The following EAF2 variants were observed in gnomAD, a reference collection of about 807,000 sequenced individuals.
EAF2 encodes the protein ELL associated factor 2, also known as ELL-associated factor 2.
Under a neutral mutation model 29.4 loss-of-function variants are expected in EAF2, and 29 were observed. That is an observed-to-expected ratio of 0.99 (90% CI 0.73 to 1.35). The LOEUF (loss-of-function observed/expected upper bound fraction) is 1.35. Ranked by LOEUF, EAF2 falls within the 40% of genes most tolerant of loss-of-function variation. The probability of loss-of-function intolerance (pLI) is 0.00; values close to 1 mark genes in which losing one functional copy is unlikely to be tolerated. For synonymous variants in EAF2, 103 were observed against 102.5 expected (o/e 1.00, Z -0.03); for missense variants, 292 against 312.0 (o/e 0.94, Z 0.48).
At chr3:121,845,440 C>CAAAAAAA (rs747436052) in intron 2 of EAF2, among the ~76,000 whole-genome samples, 24 of 59,916 alleles carry the variant, frequency 4.0e-4, no homozygotes, top group Admixed American at 6.6e-4. Context: ...TCCTACATCT[C>CAAAAAAA]AAAAAAAAAA....
chr3:121,873,100 T>C (rs1709045404), intron 5 of EAF2: 2 of 679,152 alleles, frequency 2.9e-6, no homozygotes, highest in Non-Finnish European at 5.3e-6. Context: ...CATTCTACAA[T>C]TTCTCCCTAA....
chr3:121,866,376 A>G (rs959118394), intron 4 of EAF2, among the ~76,000 whole-genome samples: 3 of 152,210 alleles, frequency 2.0e-5, no homozygotes, highest in African/African-American at 7.2e-5. Flanking sequence ...AAAAATTTGA[A>G]TAAGATATAG....
At chr3:121,855,337 G>T (rs1434763296) in intron 3 of EAF2, among the ~76,000 whole-genome samples, 6 of 152,088 alleles carry the variant, frequency 3.9e-5, no homozygotes, top group Admixed American at 1.3e-4. Flanking sequence ...GTAATATAAG[G>T]ATGTTTGCTC....
At chr3:121,876,382 C>CAT (rs1012831038) in intron 5 of EAF2, among the ~76,000 whole-genome samples, 5 of 151,232 alleles carry the variant, frequency 3.3e-5, no homozygotes, top group East Asian at 1.9e-4. Context: ...TATTAACAGA[C>CAT]ATATATATAT....
intron 4 of EAF2, 146 bp from the exon 5 acceptor site, chr3:121,872,390 TG>T: frequency 1.6e-6 from 1 of 608,548 alleles, no homozygotes; most frequent in South Asian, 2.7e-5. Context: ...AGAAGAGTTT[TG>T]TTTTTTAATA....
chr3:121,866,808 C>T (rs1403863333), intron 4 of EAF2, among the ~76,000 whole-genome samples: 2 of 151,904 alleles, frequency 1.3e-5, no homozygotes, highest in Non-Finnish European at 2.9e-5. Context: ...AAGAGAATCA[C>T]GTGAATGAGA....
intron 5 of EAF2, 145 bp downstream of exon 5, chr3:121,872,933 G>A (rs1158871627): frequency 2.4e-6 from 3 of 1,248,774 alleles, no homozygotes; most frequent in Non-Finnish European, 3.3e-6. Flanking sequence ...TTGAATTATG[G>A]TTTTCTTTTG....
Position 121,886,477 on chromosome 3 carries a change from T to C in EAF2, c.*89T>C. ...AAAATTCCTAAGACTGAGGGAAATA[T>C]GTCTTAACTTTTGATGATAAAAGAA... On this transcript the variant is annotated 3_prime_UTR_variant, in exon 6 of 6. Coordinates refer to ENST00000273668, the MANE Select transcript of EAF2 (RefSeq NM_018456.6). 1.5e-6 allele frequency: 1 copy of C among 680,536 alleles called. No individual in the cohort carries two copies. Among genetic ancestry groups the C allele is most frequent in the Non-Finnish European group, 2.2e-6 (1 of 455,332 alleles). 42.2% of individuals were successfully genotyped at this position (680,536 alleles called of 1,614,324 possible).
In EAF2 at chr3:121,864,659, A is replaced by C. The variant is rs28646022; in HGVS notation, c.484+7503A>C. 9.2e-5 allele frequency among the ~76,000 whole-genome samples: 14 copies of C among 151,550 alleles called. No individual in the cohort carries two copies. In the East Asian group the frequency reaches 9.8e-4, roughly 11 times the overall value. On this transcript the variant is annotated intron_variant, in intron 4 of 5. Coordinates refer to ENST00000273668, the MANE Select transcript of EAF2 (RefSeq NM_018456.6). ...GGTAAAACCCCATCTCTACAAAAAA[A>C]TGCAAAATTAGCTGGGTGTGGTGGT...
At chr3:121,836,567 G>A in intron 1 of EAF2, 1 of 883,526 alleles carries the variant, frequency 1.1e-6, no homozygotes, top group Non-Finnish European at 1.4e-6. Flanking sequence ...TAGAATAAAT[G>A]GGTGAGATAT....
Position 121,844,530 on chromosome 3 carries a change from A to C in EAF2, c.184A>C (p.Thr62Pro). 6.2e-7 allele frequency: 1 copy of C among 1,605,444 alleles called. No homozygotes were observed. Among genetic ancestry groups the C allele is most frequent in the Non-Finnish European group, 8.5e-7 (1 of 1,174,186 alleles). Residue 62 changes from threonine (T) to proline (P), a missense_variant, in exon 2 of 6, where the codon ACT becomes CCT. By Grantham distance (38) the Thr-to-Pro change is conservative (BLOSUM62 -1). Coordinates refer to ENST00000273668, the MANE Select transcript of EAF2 (RefSeq NM_018456.6). ...EVGEGEQVTI[T>P]LPNIEGSTPP... is the part of the protein sequence containing the mutation. ...TGGTGAAGGTGAACAGGTGACCATA[A>C]CTCTGCCAAATATAGAAGTGAGTAT...
At chr3:121,881,688 T>C (rs952698411) in intron 5 of EAF2, among the ~76,000 whole-genome samples, 2 of 151,930 alleles carry the variant, frequency 1.3e-5, no homozygotes, top group Admixed American at 6.6e-5. Flanking sequence ...TTTTTTGTAT[T>C]TTAGTAGAGA....
chr3:121,869,873 A>T (rs1708982691), intron 4 of EAF2, among the ~76,000 whole-genome samples: 1 of 152,144 alleles, frequency 6.6e-6, no homozygotes, highest in Non-Finnish European at 1.5e-5. Context: ...TGGGTGACAG[A>T]GTAAGACCCT....
In EAF2 at chr3:121,855,091, A is replaced by G. The variant is rs906034264; in HGVS notation, c.338+268A>G. Among the ~76,000 whole-genome samples, 6 of 152,184 alleles carry G rather than the reference A, an allele frequency of 3.9e-5. No homozygotes were observed. The East Asian group carries it at 5.8e-4, about 15-fold the overall frequency. ...TTTATCCTATTGTAGATACTTCTGT[A>G]TAACTGGATTGAAGGAAGCCATTAT... On this transcript the variant is annotated intron_variant, in intron 3 of 5. Transcript: ENST00000273668.
intron 4 of EAF2, among the ~76,000 whole-genome samples, chr3:121,859,156 G>T (rs868224474): frequency 6.6e-6 from 1 of 151,928 alleles, no homozygotes; most frequent in Non-Finnish European, 1.5e-5. Context: ...AATGCGGGCT[G>T]TTTTTTGTGT....
intron 4 of EAF2, among the ~76,000 whole-genome samples, chr3:121,859,029 A>G (rs2107523032): frequency 6.6e-6 from 1 of 152,196 alleles, no homozygotes; most frequent in East Asian, 1.9e-4. Flanking sequence ...ATTGGTCTAT[A>G]TATGTGTTTT....
At chr3:121,876,903 A>G (rs1709107683) in intron 5 of EAF2, among the ~76,000 whole-genome samples, 3 of 151,984 alleles carry the variant, frequency 2.0e-5, no homozygotes, top group Admixed American at 1.3e-4. Context: ...TAACAAAAGC[A>G]AAGCATTATA....
At chr3:121,873,480 T>C (rs569731712) in intron 5 of EAF2, among the ~76,000 whole-genome samples, 1 of 151,922 alleles carries the variant, frequency 6.6e-6, no homozygotes, top group African/African-American at 2.4e-5. Context: ...GTTCAACCTA[T>C]TATTTCTTGC....
At chr3:121,853,767 T>G (rs1411512843) in intron 2 of EAF2, among the ~76,000 whole-genome samples, 2 of 152,198 alleles carry the variant, frequency 1.3e-5, no homozygotes, top group Non-Finnish European at 2.9e-5. Flanking sequence ...CAGGCTGGAT[T>G]ACAGATTCTT....
Sources: allele counts gnomAD v4.1 joint callset (sites outside exome capture counted in the v4.1 genomes callset), GRCh38; gene constraint gnomAD v4.1.1; transcripts MANE v1.5; gene names NCBI Gene and HGNC (gene_info 2026-07-23, HGNC 2026-07-21).